Variants in JAML observed in about 807,000 individuals in gnomAD.
JAML encodes junctional adhesion molecule-like.
A neutral mutation model predicts 39.3 loss-of-function variants in JAML; 25 were observed. The observed-to-expected ratio is 0.64, with a 90% CI of 0.46 to 0.89. The LOEUF (loss-of-function observed/expected upper bound fraction) is 0.89, where lower values mean the gene tolerates loss of function less well. Ranked by LOEUF, JAML falls within the 40% of genes least tolerant of loss-of-function variation. The probability of loss-of-function intolerance (pLI) is 0.00; values close to 1 mark genes in which losing one functional copy is unlikely to be tolerated. For synonymous variants in JAML, 162 were observed against 179.2 expected, an observed-to-expected ratio of 0.90 and a Z score of 0.77; for missense variants, 440 against 486.9, an observed-to-expected ratio of 0.90 and a Z score of 0.91.
Position 118,196,828 on chromosome 11 carries a change from G to A in JAML, c.1006-7C>T. On this transcript the variant is annotated splice_region_variant and splice_polypyrimidine_tract_variant and intron_variant, in intron 8 of 9. Transcript: ENST00000356289. ...TTGGGGAGTAAATGTGTTTCTAGAG[G>A]GGGAAAATGGTACAAAAATTCCTAA... 1 of 1,598,014 alleles carries A rather than the reference G, an allele frequency of 6.3e-7. No individual in the cohort carries two copies. Among genetic ancestry groups the A allele is most frequent in the Non-Finnish European group, 8.6e-7 (1 of 1,165,526 alleles).
chr11:118,222,723 C>T lies in JAML; in HGVS notation c.-21+2218G>A, dbSNP rs1024999125. On this transcript the variant is annotated intron_variant, in intron 1 of 9. Transcript: ENST00000356289. This position sits in a 1 kb window ranked among gnomAD's most constrained non-coding sequence, Gnocchi z 4.2. ...GTTTTGGTGGGAGGTTATAAGAAGG[C>T]GTGTGAATATGGTTTCTGTTAAAGA... 4.6e-5 allele frequency among the ~76,000 whole-genome samples: 7 copies of T among 151,968 alleles called. No individual in the cohort carries two copies. The highest frequency in any genetic ancestry group is 3.9e-4 in the East Asian group (2 of 5,192).
At chr11:118,211,057 G>A (rs912800679) in intron 3 of JAML, among the ~76,000 whole-genome samples, 1 of 152,160 alleles carries the variant, frequency 6.6e-6, no homozygotes, top group East Asian at 1.9e-4. Context: ...CACAGCCCCG[G>A]ATTAGATGGC....
chr11:118,200,417 T>C (rs1948758809), intron 7 of JAML, 57 bp downstream of exon 7: 1 of 1,597,570 alleles, frequency 6.3e-7, no homozygotes, highest in African/African-American at 1.3e-5. Flanking sequence ...TACTTTGGGG[T>C]AGAGGCAGCC....
chr11:118,212,428 C>G lies in JAML; in HGVS notation c.177G>C (p.Leu59=). The G allele has an allele frequency of 6.2e-7, 1 of 1,614,114 alleles. No homozygotes were observed. The highest frequency in any genetic ancestry group is 8.5e-7 in the Non-Finnish European group (1 of 1,180,006). The change falls in exon 3 of 10, where the codon CTG becomes CTC. Residue 59 remains leucine, a synonymous_variant. Transcript: ENST00000356289. ...TTACCTTGGCGTGCTCTCCTGGTGA[C>G]AGAGTCCAGTCTATCTTGAATATAC... ...DKCIFKIDWT[L]SPGEHAKDEY... is the part of the protein sequence containing the mutation.
At chr11:118,223,606 G>A (rs539691513) in intron 1 of JAML, among the ~76,000 whole-genome samples, 6 of 152,178 alleles carry the variant, frequency 3.9e-5, no homozygotes, top group Admixed American at 1.3e-4. Flanking sequence ...TCTTTATTGC[G>A]ACCTGCTTGG....
chr11:118,196,865 A>G, intron 8 of JAML, 44 bp from the exon 9 acceptor site: 2 of 1,512,236 alleles, frequency 1.3e-6, no homozygotes, highest in Admixed American at 1.7e-5. Flanking sequence ...AATTAGATGA[A>G]TCTTATACAC....
At chr11:118,207,027 A>G (rs1220544706) in intron 4 of JAML, among the ~76,000 whole-genome samples, 1 of 152,196 alleles carries the variant, frequency 6.6e-6, no homozygotes, top group Non-Finnish European at 1.5e-5. Context: ...TCCCTGGGAG[A>G]AGAGTAACTT....
rs377077263 is a variant in JAML, at chr11:118,210,039, C to CTTTTCTAT, written c.424+440_424+447dup. Among the ~76,000 whole-genome samples the CTTTTCTAT allele has an allele frequency of 4.7e-4, 72 of 152,158 alleles. 1 individual carries two copies. The highest frequency in any genetic ancestry group is 1.7e-3 in the African/African-American group (72 of 41,512). Reference sequence around the variant, plus strand: ...GCCACTGAGCCTGGCCTGCTTATTTCTTTTCTATCCCCCAGATCACCTAAC... The same window carrying CTTTTCTAT: ...GCCACTGAGCCTGGCCTGCTTATTTCTTTTCTATTTTTCTATCCCCCAGATCACCTAAC... On this transcript the variant is annotated intron_variant, in intron 4 of 9. Coordinates refer to ENST00000356289, the MANE Select transcript of JAML (RefSeq NM_001098526.2).
At chr11:118,209,286 C>T (rs933422964) in intron 4 of JAML, 2 of 168,830 alleles carry the variant, frequency 1.2e-5, no homozygotes, top group Non-Finnish European at 2.5e-5. Context: ...GCAGCAGAAT[C>T]CTTATTCAGA....
chr11:118,202,095 A>C (rs1303421794), intron 6 of JAML: 1 of 152,316 alleles, frequency 6.6e-6, no homozygotes, highest in Non-Finnish European at 1.5e-5. Context: ...GTAGAGGTAG[A>C]ATAAGCCAGA....
At position 118,196,880 on chromosome 11, in the gene JAML, G is replaced by T. The variant is rs76691458; in HGVS notation, c.1006-59C>A. On this transcript the variant is annotated intron_variant, in intron 8 of 9. Transcript: ENST00000356289. ...AATTAGATGAATCTTATACACCAGA[G>T]AAAAGGCCACCCACTCCTATTTGCT... 5.8e-5 allele frequency: 82 copies of T among 1,425,488 alleles called. No homozygotes were observed. The East Asian group carries it at 6.2e-4, about 11-fold the overall frequency. 88.3% of individuals were successfully genotyped at this position (1,425,488 alleles called of 1,614,324 possible). A position where few individuals can be genotyped will look rare whatever the true frequency, so the allele number is the denominator to read the frequency against.
chr11:118,193,902 G>A lies in JAML; in HGVS notation c.*423C>T, dbSNP rs981315718. On this transcript the variant is annotated 3_prime_UTR_variant, in exon 10 of 10. Transcript: ENST00000356289. Reference sequence around the variant, plus strand: ...CAGGACTTTACTTGCCCCCTCAACCGAGGCATAAAAATAGGACGATTTCCA... The same window carrying A: ...CAGGACTTTACTTGCCCCCTCAACCAAGGCATAAAAATAGGACGATTTCCA... 10 of 180,914 alleles carry A rather than the reference G, an allele frequency of 5.5e-5. No homozygotes were observed. The highest frequency in any genetic ancestry group is 3.9e-4 in the East Asian group (3 of 7,628). The allele number at this position is 180,914 out of a possible 1,614,324, so 11.2% of individuals were successfully genotyped here.
chr11:118,215,997 GT>G (rs1949135530), intron 1 of JAML, among the ~76,000 whole-genome samples: 1 of 152,260 alleles, frequency 6.6e-6, no homozygotes, highest in Admixed American at 6.5e-5. Flanking sequence ...GGAAAGATAT[GT>G]TTTTTGCATT....
intron 6 of JAML, chr11:118,202,806 C>T: frequency 2.6e-6 from 1 of 382,208 alleles, no homozygotes; most frequent in South Asian, 1.9e-5. Flanking sequence ...GCAAAGTCCA[C>T]AGGCCACATC....
At chr11:118,200,438 A>C (rs779502132) in intron 7 of JAML, 36 bp downstream of exon 7, 3 of 1,611,828 alleles carry the variant, frequency 1.9e-6, no homozygotes, top group Non-Finnish European at 2.5e-6. Context: ...TTGCACCCCC[A>C]GCCTCCCAAT....
Position 118,194,390 on chromosome 11 carries a change from C to A in JAML, c.1120G>T (p.Asp374Tyr). 6.2e-7 allele frequency: 1 copy of A among 1,614,204 alleles called. No homozygotes were observed. The highest frequency in any genetic ancestry group is 8.5e-7 in the Non-Finnish European group (1 of 1,180,014). ...MHPVWPSLRS[D>Y]RNNSLEKKSG... ...TTTTTTTCAAGTGAGTTGTTCCGAT[C>A]TGACCTCAGAGAAGGCCAAACTGGG... The change falls in exon 10 of 10, where the codon GAT (aspartate) becomes TAT (tyrosine). Residue 374 changes from aspartate to tyrosine, a missense_variant. Transcript: ENST00000356289.
At chr11:118,220,288 C>A (rs954250404) in intron 1 of JAML, among the ~76,000 whole-genome samples, 4 of 152,214 alleles carry the variant, frequency 2.6e-5, no homozygotes, top group African/African-American at 9.6e-5. Flanking sequence ...GCAGAGAAGT[C>A]TTTCTGATAG....
At chr11:118,216,897 C>T (rs1010636583) in intron 1 of JAML, among the ~76,000 whole-genome samples, 18 of 152,336 alleles carry the variant, frequency 1.2e-4, no homozygotes, top group African/African-American at 4.3e-4. Flanking sequence ...GTGCCACCCA[C>T]CTTGCCCCAT....
rs751687873 is a variant in JAML, at chr11:118,205,893, G to A, written c.523C>T (p.Arg175Trp). ...TTCCTCCTTGTTACCTTTGCGCGCC[G>A]TCCTGAAAATATCCATTCTACCTTG... ...VTKVEWIFSG[R>W]RAKEEIVFRY... The change falls in exon 5 of 10, where the codon CGG becomes TGG. Residue 175 changes from arginine (R) to tryptophan (W), a missense_variant. Arg to Trp is a moderately radical substitution (Grantham distance 101). Coordinates refer to ENST00000356289, the MANE Select transcript of JAML (RefSeq NM_001098526.2). The A allele has an allele frequency of 2.4e-5, 38 of 1,613,670 alleles. No individual in the cohort carries two copies. Among genetic ancestry groups the A allele is most frequent in the East Asian group, 8.9e-5 (4 of 44,886 alleles).
Sources: gnomAD v4.1 joint callset for allele counts (sites outside exome capture counted in the v4.1 genomes callset) on GRCh38, gnomAD v4.1.1 for gene constraint, Gnocchi (gnomAD v3.1) non-coding constraint, MANE v1.5 for transcripts, NCBI Gene and HGNC (gene_info 2026-07-23, HGNC 2026-07-21) for gene names.